The following ANO1 variants were observed in gnomAD, a reference collection of about 807,000 sequenced individuals.
ANO1 encodes anoctamin 1, also known as anoctamin-1.
In ANO1, 59 loss-of-function variants were observed where a neutral mutation model predicts 124.0. That is an observed-to-expected ratio of 0.48 (90% CI 0.39 to 0.59). ANO1 has a LOEUF of 0.59. Among genes scored for constraint, ANO1 ranks in the 20% least tolerant of loss-of-function variants. The pLI is 0.00. For missense variants in ANO1, 1,059 were observed against 1,328.0 expected (o/e 0.80, Z 3.15); for synonymous variants, 529 against 532.0 (o/e 0.99, Z 0.08).
chr11:70,137,657 G>A (rs1367447643), intron 11 of ANO1, among the ~76,000 whole-genome samples: 1 of 146,100 alleles, frequency 6.8e-6, no homozygotes, highest in African/African-American at 2.4e-5. Flanking sequence ...TGGCTGCGTA[G>A]TAGGACGGTT....
chr11:70,037,392 G>A (rs1484673152), intron 1 of ANO1, among the ~76,000 whole-genome samples: 1 of 152,078 alleles, frequency 6.6e-6, no homozygotes, highest in Non-Finnish European at 1.5e-5. Flanking sequence ...AGCAAGATAT[G>A]ATTACAAATG....
intron 2 of ANO1, among the ~76,000 whole-genome samples, chr11:70,091,510 G>C (rs993701434): frequency 1.3e-5 from 2 of 152,210 alleles, no homozygotes; most frequent in Non-Finnish European, 2.9e-5. Context: ...GACATTGCCA[G>C]TGTACGTGGG....
intron 1 of ANO1, among the ~76,000 whole-genome samples, chr11:70,011,169 G>T (rs1856592960): frequency 6.6e-6 from 1 of 152,214 alleles, no homozygotes; most frequent in African/African-American, 2.4e-5. Flanking sequence ...GGTGCAGGAA[G>T]GGTGTCGAGG....
chr11:70,140,638 A>T (rs553312581), intron 11 of ANO1, among the ~76,000 whole-genome samples: 2 of 152,316 alleles, frequency 1.3e-5, no homozygotes, highest in Non-Finnish European at 2.9e-5. Flanking sequence ...TGCCTACCCT[A>T]GGTACAGTGC....
Position 70,126,118 on chromosome 11 carries a change from G to C in ANO1, c.1020G>C (p.Gln340His), listed in dbSNP as rs764219083. ...TCGCCTGGCTGGGCGTGTACACCCA[G>C]ATGCTCATCCCTGCCTCCATCGTGG... is the stretch of plus-strand genomic sequence containing the variant. ...LYFAWLGVYT[Q>H]MLIPASIVGI... is the part of the protein sequence containing the mutation. Residue 340 changes from glutamine (Q) to histidine (H), a missense_variant, in exon 10 of 26, where the codon CAG becomes CAC. Gln to His is a conservative substitution (Grantham distance 24). Coordinates refer to ENST00000355303, the MANE Select transcript of ANO1 (RefSeq NM_018043.7). 2 of 1,613,750 alleles carry C rather than the reference G, an allele frequency of 1.2e-6. No individual in the cohort carries two copies. Among genetic ancestry groups the C allele is most frequent in the East Asian group, 4.5e-5 (2 of 44,878 alleles).
intron 22 of ANO1, among the ~76,000 whole-genome samples, chr11:70,171,639 G>A (rs1331011539): frequency 1.3e-5 from 2 of 152,204 alleles, no homozygotes; most frequent in African/African-American, 4.8e-5. Flanking sequence ...GAAGGGGTGT[G>A]AGTTTGGGAG....
At chr11:70,028,495 G>A (rs1354593930) in intron 1 of ANO1, among the ~76,000 whole-genome samples, 2 of 151,684 alleles carry the variant, frequency 1.3e-5, no homozygotes, top group African/African-American at 4.8e-5. Flanking sequence ...TGACAGGCCA[G>A]CACTGAGACT....
At chr11:69,972,889 T>TTTTTCTTTTTAC in the ANO1 span, among the ~76,000 whole-genome samples, 1 of 150,728 alleles carries the variant, frequency 6.6e-6, no homozygotes, top group Non-Finnish European at 1.5e-5. Flanking sequence ...CTGGCATTTT[T>TTTTTCTTTTTAC]TTTTCTTTTT....
intron 2 of ANO1, among the ~76,000 whole-genome samples, chr11:70,089,588 C>T (rs1009869942): frequency 6.6e-6 from 1 of 152,162 alleles, no homozygotes; most frequent in Non-Finnish European, 1.5e-5. Flanking sequence ...TGAGTTCGGC[C>T]ACCCAGATGG....
intron 1 of ANO1, among the ~76,000 whole-genome samples, chr11:70,086,663 C>T (rs948208260): frequency 3.9e-5 from 6 of 152,220 alleles, no homozygotes; most frequent in African/African-American, 1.4e-4. Flanking sequence ...AGGGCCAGAG[C>T]GGGTGCATGA....
At chr11:70,013,440 A>C (rs1240096130) in intron 1 of ANO1, among the ~76,000 whole-genome samples, 2 of 152,158 alleles carry the variant, frequency 1.3e-5, no homozygotes, top group African/African-American at 4.8e-5. Flanking sequence ...AAAAGCACAC[A>C]TGTCCCAGGC....
chr11:70,088,769 T>C (rs542133399), intron 2 of ANO1, among the ~76,000 whole-genome samples: 2 of 152,260 alleles, frequency 1.3e-5, no homozygotes, highest in Admixed American at 1.3e-4. Flanking sequence ...GGAGTCTTCC[T>C]GGATGGGGTC....
intron 2 of ANO1, among the ~76,000 whole-genome samples, chr11:70,090,123 G>A (rs1325003917): frequency 4.6e-5 from 7 of 152,172 alleles, no homozygotes; most frequent in South Asian, 2.1e-4. Flanking sequence ...CCGAGTTCAC[G>A]CCTTCTCCTG....
chr11:70,101,585 C>CAAAAA (rs71463659), intron 2 of ANO1, among the ~76,000 whole-genome samples: 1,283 of 75,692 alleles, frequency 0.017, 41 homozygotes, highest in African/African-American at 0.042. Flanking sequence ...GATTAAAAAC[C>CAAAAA]AAAAAAAAAA....
At chr11:69,989,250 T>G (rs1492512) in intron 1 of ANO1, among the ~76,000 whole-genome samples, 123,066 of 152,106 alleles carry the variant, frequency 0.81, 50,495 homozygotes, top group East Asian at 0.99. Context: ...AGCAAGCTGT[T>G]CATTTAATCA....
At chr11:69,995,112 T>TTTTG (rs781881923) in intron 1 of ANO1, among the ~76,000 whole-genome samples, 2,761 of 151,318 alleles carry the variant, frequency 0.018, 48 homozygotes, top group Non-Finnish European at 0.024. Flanking sequence ...TTTTTTTTTT[T>TTTTG]TTTTTGAGAT....
At chr11:70,010,998 C>T (rs1228899677) in intron 1 of ANO1, among the ~76,000 whole-genome samples, 1 of 152,234 alleles carries the variant, frequency 6.6e-6, no homozygotes, top group Non-Finnish European at 1.5e-5. Flanking sequence ...GATGTCTACA[C>T]TGCTCTGTGA....
At chr11:69,967,313 G>A in the ANO1 span, among the ~76,000 whole-genome samples, 1 of 152,138 alleles carries the variant, frequency 6.6e-6, no homozygotes, top group African/African-American at 2.4e-5. Flanking sequence ...TCGCACATTA[G>A]CTAGCATCAG....
intron 16 of ANO1, among the ~76,000 whole-genome samples, chr11:70,160,406 G>A (rs1464022102): frequency 6.6e-6 from 1 of 152,206 alleles, no homozygotes; most frequent in Non-Finnish European, 1.5e-5. Context: ...AGACAGAGGT[G>A]TGTGGAACAA....
Sources: allele counts gnomAD v4.1 joint callset (sites outside exome capture counted in the v4.1 genomes callset), GRCh38; gene constraint gnomAD v4.1.1; transcripts MANE v1.5; gene names NCBI Gene and HGNC (gene_info 2026-07-23, HGNC 2026-07-21).